AGBL1: variants seen among roughly 807,000 people sequenced by gnomAD.
AGBL1 encodes AGBL carboxypeptidase 1.
AGBL1 carries 130 observed loss-of-function variants against 118.9 expected under a neutral mutation model. The ratio of observed to expected loss-of-function variants is 1.09; its 90% CI spans 0.95 to 1.26. The LOEUF (loss-of-function observed/expected upper bound fraction) is 1.26, where lower values mean the gene tolerates loss of function less well. Among genes scored for constraint, AGBL1 ranks in the 50% most tolerant of loss-of-function variants. The pLI is 0.00. For missense variants in AGBL1, 1,584 were observed against 1,298.1 expected (o/e 1.22, Z -3.38); for synonymous variants, 555 against 478.9 (o/e 1.16, Z -2.08).
intron 21 of AGBL1, among the ~76,000 whole-genome samples, chr15:86,632,214 G>C (rs1212276416): frequency 6.8e-6 from 1 of 147,178 alleles, no homozygotes; most frequent in African/African-American, 2.5e-5. Flanking sequence ...GCTGCAGTGA[G>C]TTATGATCAT....
intron 21 of AGBL1, among the ~76,000 whole-genome samples, chr15:86,670,628 A>ACACACACAC (rs59416251): frequency 1.4e-4 from 7 of 48,458 alleles, no homozygotes; most frequent in South Asian, 1.2e-3. Context: ...CACACACACA[A>ACACACACAC]ACACGCTGTG....
intron 6 of AGBL1, among the ~76,000 whole-genome samples, chr15:86,245,239 T>G (rs1227251699): frequency 6.6e-6 from 1 of 152,236 alleles, no homozygotes; most frequent in Non-Finnish European, 1.5e-5. Flanking sequence ...TCCATGTTAT[T>G]GTTTGCACTC....
At chr15:86,954,013 G>A (rs2080905665) in intron 23 of AGBL1, among the ~76,000 whole-genome samples, 1 of 152,068 alleles carries the variant, frequency 6.6e-6, no homozygotes, top group African/African-American at 2.4e-5. Flanking sequence ...TCAGGAAAAT[G>A]CCAATCAATC....
At chr15:86,282,767 C>A (rs1214984011) in intron 16 of AGBL1, among the ~76,000 whole-genome samples, 1 of 152,156 alleles carries the variant, frequency 6.6e-6, no homozygotes, top group Admixed American at 6.5e-5. Flanking sequence ...GCGAATGATA[C>A]CCCAAGGGGA....
chr15:86,208,852 C>G (rs1424829552), intron 5 of AGBL1, among the ~76,000 whole-genome samples: 2 of 152,062 alleles, frequency 1.3e-5, no homozygotes, highest in African/African-American at 2.4e-5. Flanking sequence ...TATTTCTTGC[C>G]TTATGCTAGC....
chr15:86,991,030 G>T (rs973513553), intron 24 of AGBL1, among the ~76,000 whole-genome samples: 2 of 152,116 alleles, frequency 1.3e-5, no homozygotes, highest in African/African-American at 4.8e-5. Flanking sequence ...TTATTCATTT[G>T]TTGCTGTTAG....
intron 18 of AGBL1, among the ~76,000 whole-genome samples, chr15:86,508,005 CT>C (rs397853754): frequency 0.087 from 11,004 of 126,456 alleles, 760 homozygotes; most frequent in African/African-American, 0.26. Context: ...AGTGATTTGC[CT>C]TTTTTTTTTT....
intron 23 of AGBL1, among the ~76,000 whole-genome samples, chr15:86,943,768 G>C (rs1397317794): frequency 2.0e-5 from 3 of 152,130 alleles, no homozygotes; most frequent in Non-Finnish European, 4.4e-5. Flanking sequence ...GTTTTAGCTT[G>C]CTTATCTATG....
At chr15:86,113,319 A>T (rs1227769295) in intron 1 of AGBL1, among the ~76,000 whole-genome samples, 2 of 75,862 alleles carry the variant, frequency 2.6e-5, no homozygotes, top group African/African-American at 5.2e-5. Flanking sequence ...ACTGAGTCTT[A>T]CTCTGTTGCC....
At chr15:86,124,682 C>A (rs1898309232) in intron 1 of AGBL1, among the ~76,000 whole-genome samples, 1 of 152,158 alleles carries the variant, frequency 6.6e-6, no homozygotes, top group South Asian at 2.1e-4. Context: ...AGAGAGTCTA[C>A]ATTTTTGATT....
chr15:86,164,612 T>C (rs147163137), intron 5 of AGBL1, among the ~76,000 whole-genome samples: 1 of 152,288 alleles, frequency 6.6e-6, no homozygotes, highest in African/African-American at 2.4e-5. Flanking sequence ...TCCCCTCTGA[T>C]CCTTTTGGAT....
Position 86,961,836 on chromosome 15 carries a change from C to T in AGBL1, c.3222-26151C>T, listed in dbSNP as rs151311961. Among the ~76,000 whole-genome samples the T allele has an allele frequency of 1.4e-3, 214 of 152,154 alleles. 2 individuals carry two copies. The highest frequency in any genetic ancestry group is 3.5e-3 in the East Asian group (18 of 5,140). ...TTCTTAGGGTATGCCTAAGATATTG[C>T]CTCTCAGGTGCATTTACCATCACCT... On this transcript the variant is annotated intron_variant, in intron 23 of 24. Coordinates refer to the AGBL1 transcript ENST00000441037.
At chr15:86,848,903 T>C (rs2079357128) in intron 22 of AGBL1, among the ~76,000 whole-genome samples, 1 of 152,214 alleles carries the variant, frequency 6.6e-6, no homozygotes, top group African/African-American at 2.4e-5. Context: ...GATACAATTT[T>C]AGGTGCTTTA....
At chr15:86,633,763 A>T (rs2085020231) in intron 21 of AGBL1, among the ~76,000 whole-genome samples, 1 of 148,026 alleles carries the variant, frequency 6.8e-6, no homozygotes, top group African/African-American at 2.5e-5. Flanking sequence ...AATATGTATA[A>T]ATACAATATT....
downstream of AGBL1, among the ~76,000 whole-genome samples, chr15:86,919,573 GACACACACACAC>G (rs376501612): frequency 7.1e-4 from 91 of 128,852 alleles, no homozygotes; most frequent in African/African-American, 2.3e-3. Context: ...TCCCTGTTGA[GACACACACACAC>G]ACACACACAC....
chr15:86,378,418 G>A (rs2081068307), intron 17 of AGBL1, among the ~76,000 whole-genome samples: 1 of 151,936 alleles, frequency 6.6e-6, no homozygotes, highest in Non-Finnish European at 1.5e-5. Context: ...TTCTTTTGGG[G>A]GTCTGTCTCC....
At chr15:86,718,202 A>G (rs925123134) in intron 22 of AGBL1, among the ~76,000 whole-genome samples, 1 of 152,206 alleles carries the variant, frequency 6.6e-6, no homozygotes, top group Middle Eastern at 3.2e-3. Flanking sequence ...CTGCCCAGCT[A>G]GAAAACCATC....
chr15:86,466,263 T>C (rs559813526), intron 18 of AGBL1, among the ~76,000 whole-genome samples: 4 of 152,334 alleles, frequency 2.6e-5, no homozygotes, highest in Admixed American at 2.6e-4. Flanking sequence ...TCTGATATTC[T>C]TTCTTCTGCT....
intron 22 of AGBL1, among the ~76,000 whole-genome samples, chr15:86,696,119 T>G (rs1047738570): frequency 3.9e-5 from 6 of 152,050 alleles, no homozygotes; most frequent in Non-Finnish European, 7.4e-5. Context: ...GGGTATAGTT[T>G]AAATCTGTTG....
Sources: gnomAD v4.1 joint callset for allele counts (sites outside exome capture counted in the v4.1 genomes callset) on GRCh38, gnomAD v4.1.1 for gene constraint, MANE v1.5 for transcripts, NCBI Gene and HGNC (gene_info 2026-07-23, HGNC 2026-07-21) for gene names.